Variants in CHL1 observed in about 807,000 individuals in gnomAD.
CHL1 encodes cell adhesion molecule L1 like, also known as neural cell adhesion molecule L1-like protein.
A neutral mutation model predicts 141.9 loss-of-function variants in CHL1; 96 were observed. The observed-to-expected ratio is 0.68, with a 90% CI of 0.57 to 0.80. The LOEUF is 0.80. Ranked by LOEUF, CHL1 falls within the 30% of genes least tolerant of loss-of-function variation. CHL1 has a pLI of 0.00. For missense variants in CHL1, 1,820 were observed against 1,457.2 expected, an observed-to-expected ratio of 1.25 and a Z score of -4.05; for synonymous variants, 613 against 502.2, an observed-to-expected ratio of 1.22 and a Z score of -2.95.
chr3:397,828 A>G (rs556896963), intron 24 of CHL1, among the ~76,000 whole-genome samples: 84 of 152,224 alleles, frequency 5.5e-4, no homozygotes, highest in African/African-American at 1.9e-3. Context: ...AAAAAAAAGC[A>G]ATATATAGTT....
Position 272,300 on chromosome 3 carries a change from T to G in CHL1, c.-95+27608T>G, listed in dbSNP as rs557387916. 3.9e-5 allele frequency among the ~76,000 whole-genome samples: 6 copies of G among 152,360 alleles called. No homozygotes were observed. In the South Asian group the frequency reaches 8.3e-4, roughly 21 times the overall value. Reference sequence around the variant, plus strand: ...GTTGCATATTTCCAATTCATAATTTTGTGTTTTTTGTATTCCTGTCATTAT... The same window carrying G: ...GTTGCATATTTCCAATTCATAATTTGGTGTTTTTTGTATTCCTGTCATTAT... On this transcript the variant is annotated intron_variant, in intron 2 of 27. Coordinates refer to ENST00000256509, the MANE Select transcript of CHL1 (RefSeq NM_006614.4).
At chr3:197,872 CT>C (rs58240971) in intron 1 of CHL1, 38,440 of 350,206 alleles carry the variant, frequency 0.11, 577 homozygotes, top group African/African-American at 0.13. Flanking sequence ...CTTTCTCTCG[CT>C]TTTTTTTTTT....
intron 1 of CHL1, among the ~76,000 whole-genome samples, chr3:242,546 A>G (rs1261366272): frequency 1.3e-5 from 2 of 152,052 alleles, no homozygotes; most frequent in South Asian, 4.2e-4. Flanking sequence ...CAGTGAGCCG[A>G]GATTGTGCCA....
Position 408,989 on chromosome 3 carries a change from G to C in CHL1, c.*3278G>C, listed in dbSNP as rs372864367. ...GAGGGGACAATAATGAGAAATGTTGGTGTGCTTTTCTAAGCATTTAAAACA... is the reference window on the plus strand; with the variant it reads ...GAGGGGACAATAATGAGAAATGTTGCTGTGCTTTTCTAAGCATTTAAAACA... On this transcript the variant is annotated 3_prime_UTR_variant, in exon 28 of 28. Coordinates refer to ENST00000256509, the MANE Select transcript of CHL1 (RefSeq NM_006614.4). 2 of 151,936 alleles carry C rather than the reference G, an allele frequency of 1.3e-5. No individual in the cohort carries two copies. The highest frequency in any genetic ancestry group is 4.8e-5 in the African/African-American group (2 of 41,378). 9.4% of individuals were successfully genotyped at this position (151,936 alleles called of 1,614,324 possible).
Position 348,525 on chromosome 3 carries a change from G to T in CHL1, c.849-834G>T, listed in dbSNP as rs115735247. Among the ~76,000 whole-genome samples the T allele has an allele frequency of 3.8e-3, 574 of 152,214 alleles. 2 individuals carry two copies. Among genetic ancestry groups the T allele is most frequent in the African/African-American group, 0.013 (540 of 41,532 alleles). On this transcript the variant is annotated intron_variant, in intron 9 of 27. Transcript: ENST00000256509. The stretch of plus-strand genomic sequence containing the variant: ...CACAGAAGGTATGACTTCTGCACTT[G>T]TCTGCTTTTCATGAGGAGGGGTTTT...
At chr3:232,310 T>C (rs181412558) in intron 1 of CHL1, among the ~76,000 whole-genome samples, 1 of 152,204 alleles carries the variant, frequency 6.6e-6, no homozygotes, top group African/African-American at 2.4e-5. Flanking sequence ...TACTAAGTTA[T>C]TTTTATTTCA....
chr3:228,227 A>C (rs17009026), intron 1 of CHL1, among the ~76,000 whole-genome samples: 11,921 of 152,284 alleles, frequency 0.078, 499 homozygotes, highest in Middle Eastern at 0.13. Flanking sequence ...TGCAATGAAA[A>C]CACAGGGGAA....
chr3:287,841 C>T (rs1372098508), intron 2 of CHL1, among the ~76,000 whole-genome samples: 1 of 152,044 alleles, frequency 6.6e-6, no homozygotes, highest in Non-Finnish European at 1.5e-5. Flanking sequence ...TCTCAGTTCA[C>T]TGCAACCTCC....
chr3:247,615 T>G (rs1693291179), intron 2 of CHL1: 1 of 152,070 alleles, frequency 6.6e-6, no homozygotes, highest in Non-Finnish European at 1.5e-5. Context: ...TGAGATTGCC[T>G]CTCTGGATCC....
At chr3:217,232 G>A (rs576059545) in intron 1 of CHL1, among the ~76,000 whole-genome samples, 7 of 152,188 alleles carry the variant, frequency 4.6e-5, no homozygotes, top group African/African-American at 1.7e-4. Context: ...ACAAAACAGG[G>A]AAAGAAAACA....
intron 9 of CHL1, among the ~76,000 whole-genome samples, chr3:347,176 T>C (rs1168482675): frequency 6.6e-6 from 1 of 152,172 alleles, no homozygotes; most frequent in Non-Finnish European, 1.5e-5. Context: ...TTTTTTTCTG[T>C]TTTGTAAATT....
chr3:331,229 G>A lies in CHL1; in HGVS notation c.385+2875G>A, dbSNP rs1013868800. Among the ~76,000 whole-genome samples the A allele has an allele frequency of 4.7e-5, 7 of 150,512 alleles. No homozygotes were observed. The East Asian group carries it at 1.4e-3, about 29-fold the overall frequency. On this transcript the variant is annotated intron_variant, in intron 5 of 27. Transcript: ENST00000256509. Reference sequence around the variant, plus strand: ...GGCTTTTTTGTTTGTTTGTTTGTTTGTTTGTTTGTTTTTGACAGGAACTCA... The same window carrying A: ...GGCTTTTTTGTTTGTTTGTTTGTTTATTTGTTTGTTTTTGACAGGAACTCA...
intron 2 of CHL1, among the ~76,000 whole-genome samples, chr3:317,113 A>C (rs912018374): frequency 1.3e-5 from 2 of 152,040 alleles, no homozygotes; most frequent in African/African-American, 4.8e-5. Flanking sequence ...GCCTGTGAAC[A>C]TACAAATTTC....
intron 5 of CHL1, among the ~76,000 whole-genome samples, chr3:333,670 T>A (rs1036480095): frequency 2.0e-5 from 3 of 152,192 alleles, no homozygotes; most frequent in Admixed American, 6.5e-5. Context: ...CACTTTCTAG[T>A]AATTTGGGAT....
At position 390,770 on chromosome 3, in the gene CHL1, C is replaced by T. The variant is rs752601156; in HGVS notation, c.2540C>T (p.Ser847Leu). Residue 847 changes from serine (S) to leucine (L), a missense_variant, in exon 21 of 28, where the codon TCA (serine) becomes TTA (leucine). Transcript: ENST00000256509. ...INSTLVKVTW[S>L]TVPKDRVHGR... is the part of the protein sequence containing the mutation. ...AGTACATTAGTTAAAGTTACCTGGT[C>T]AACAGTTCCAAAGGACAGAGTACAT... The T allele has an allele frequency of 6.2e-7, 1 of 1,612,298 alleles. No homozygotes were observed. Among genetic ancestry groups the T allele is most frequent in the Non-Finnish European group, 8.5e-7 (1 of 1,178,408 alleles).
At chr3:360,782 C>T (rs1378134648) in intron 12 of CHL1, among the ~76,000 whole-genome samples, 2 of 140,526 alleles carry the variant, frequency 1.4e-5, no homozygotes, top group Non-Finnish European at 1.5e-5. Flanking sequence ...TGATGTTCCC[C>T]TTCCTGTGTC....
intron 1 of CHL1, among the ~76,000 whole-genome samples, chr3:226,710 G>T (rs920204146): frequency 1.3e-5 from 2 of 152,108 alleles, no homozygotes; most frequent in East Asian, 1.9e-4. Context: ...ACCTCCCAAA[G>T]TGCTGAGATT....
chr3:356,313 G>C (rs1703713544), intron 11 of CHL1, among the ~76,000 whole-genome samples: 1 of 152,200 alleles, frequency 6.6e-6, no homozygotes, highest in African/African-American at 2.4e-5. Flanking sequence ...GTATTTGGCT[G>C]TTTACAAAAG....
At chr3:281,653 G>A (rs1559195518) in intron 2 of CHL1, among the ~76,000 whole-genome samples, 1 of 150,736 alleles carries the variant, frequency 6.6e-6, no homozygotes, top group Non-Finnish European at 1.5e-5. Context: ...TCTGTCTCCT[G>A]GGTTCAAGCG....
Sources: allele counts gnomAD v4.1 joint callset (sites outside exome capture counted in the v4.1 genomes callset), GRCh38; gene constraint gnomAD v4.1.1; transcripts MANE v1.5; gene names NCBI Gene and HGNC (gene_info 2026-07-23, HGNC 2026-07-21).